CAV3: variants seen among roughly 807,000 people sequenced by gnomAD.
The protein encoded by CAV3 is caveolin-3.
In CAV3, 10 loss-of-function variants were observed where a neutral mutation model predicts 13.4. The observed-to-expected ratio is 0.75, with a 90% confidence interval of 0.46 to 1.27. CAV3 has a LOEUF of 1.27. Among genes scored for constraint, CAV3 ranks in the 50% most tolerant of loss-of-function variants. The pLI is 0.00. For missense variants in CAV3, 162 were observed against 194.0 expected, an observed-to-expected ratio of 0.83 and a Z score of 0.98; for synonymous variants, 90 against 79.0, an observed-to-expected ratio of 1.14 and a Z score of -0.74.
intron 1 of CAV3, chr3:8,742,591 T>C: frequency 2.2e-6 from 1 of 451,914 alleles, no homozygotes; most frequent in South Asian, 1.6e-5. Flanking sequence ...TTTCGAGGAA[T>C]CTTCAGAGCA....
At chr3:8,736,813 G>C (rs577553185) in intron 1 of CAV3, among the ~76,000 whole-genome samples, 104 of 152,294 alleles carry the variant, frequency 6.8e-4, no homozygotes, top group Non-Finnish European at 1.4e-3. Flanking sequence ...GTGGTTATTT[G>C]GTATGTTTTG....
chr3:8,734,037 C>A (rs373376677), intron 1 of CAV3, 47 bp downstream of exon 1: 3 of 1,100,416 alleles, frequency 2.7e-6, no homozygotes, highest in East Asian at 2.4e-5. Context: ...GTCAGGTTTG[C>A]GAGACGTGGG....
chr3:8,737,237 G>A (rs909367099), intron 1 of CAV3, among the ~76,000 whole-genome samples: 2 of 152,186 alleles, frequency 1.3e-5, no homozygotes, highest in Non-Finnish European at 2.9e-5. Flanking sequence ...TTTCTCATGG[G>A]CTAGGATGAG....
At chr3:8,743,455 A>T (rs1296985980) in intron 1 of CAV3, among the ~76,000 whole-genome samples, 1 of 152,150 alleles carries the variant, frequency 6.6e-6, no homozygotes, top group Non-Finnish European at 1.5e-5. Flanking sequence ...TCCTGAGAAG[A>T]TGAGGCCCAT....
intron 1 of CAV3, among the ~76,000 whole-genome samples, chr3:8,738,458 CG>C (rs1559645523): frequency 6.6e-6 from 1 of 152,106 alleles, no homozygotes; most frequent in Admixed American, 6.6e-5. Flanking sequence ...CCTCCCTTGG[CG>C]GGGAATCCAT....
rs112626848 is a variant in CAV3, at chr3:8,745,655, G to A, written c.244G>A (p.Val82Ile). The A allele has an allele frequency of 1.5e-4, 245 of 1,614,070 alleles. No individual in the cohort carries two copies. Among genetic ancestry groups the A allele is most frequent in the Admixed American group, 2.7e-4 (16 of 60,012 alleles). Residue 82 changes from valine to isoleucine, a missense_variant, in exon 2 of 2, where the codon GTC becomes ATC. Val to Ile is a conservative substitution (Grantham distance 29). Transcript: ENST00000343849. The surrounding 1 kb of genome is among the most constrained non-coding windows in gnomAD (Gnocchi z 4.8). ...CCGTCTGTTGTCCACGCTGCTGGGC[G>A]TCCCACTGGCCCTGCTCTGGGGCTT... ...CYRLLSTLLG[V>I]PLALLWGFLF...
rs1708118902 is a variant in CAV3, at chr3:8,745,336, C to T, written c.115-190C>T. Among the ~76,000 whole-genome samples the T allele has an allele frequency of 6.6e-6, 1 of 152,194 alleles. No individual in the cohort carries two copies. ...ACAGACCCATGGGCCAATTAAACCT[C>T]CTTTCTTTATCAATTACCCAGCCTC... On this transcript the variant is annotated intron_variant, in intron 1 of 1. Coordinates refer to ENST00000343849, the MANE Select transcript of CAV3 (RefSeq NM_033337.3). The surrounding 1 kb of genome is among the most constrained non-coding windows in gnomAD (Gnocchi z 4.8).
chr3:8,744,518 G>A (rs182467901), intron 1 of CAV3, among the ~76,000 whole-genome samples: 116 of 141,168 alleles, frequency 8.2e-4, no homozygotes, highest in African/African-American at 3.0e-3. Flanking sequence ...GGATTTTACA[G>A]CCTCCCATCC....
At position 8,745,850 on chromosome 3, in the gene CAV3, C is replaced by G; in HGVS notation, c.439C>G (p.Leu147Val). Reference protein sequence around the residue: ...GQVCSSIKVVLRKEV With the variant: ...GQVCSSIKVVVRKEV Reference sequence around the variant, plus strand: ...GGTCTGCAGCAGCATCAAGGTGGTGCTGCGGAAGGAGGTCTAAAGCCAGGT... The same window carrying G: ...GGTCTGCAGCAGCATCAAGGTGGTGGTGCGGAAGGAGGTCTAAAGCCAGGT... The change falls in exon 2 of 2, where the codon CTG (leucine) becomes GTG (valine). Residue 147 changes from leucine to valine, a missense_variant. By Grantham distance (32) the Leu-to-Val change is conservative. Coordinates refer to ENST00000343849, the MANE Select transcript of CAV3 (RefSeq NM_033337.3). This position sits in a 1 kb window ranked among gnomAD's most constrained non-coding sequence, Gnocchi z 4.8. The G allele has an allele frequency of 6.2e-7, 1 of 1,612,364 alleles. No individual in the cohort carries two copies. The highest frequency in any genetic ancestry group is 8.5e-7 in the Non-Finnish European group (1 of 1,179,492).
chr3:8,734,778 G>C (rs186496312), intron 1 of CAV3, among the ~76,000 whole-genome samples: 3 of 152,286 alleles, frequency 2.0e-5, no homozygotes, highest in African/African-American at 7.2e-5. Flanking sequence ...GAGTGCAGTC[G>C]CACACTCACG....
Position 8,745,421 on chromosome 3 carries a change from G to A in CAV3, c.115-105G>A. 1 of 862,404 alleles carries A rather than the reference G, an allele frequency of 1.2e-6. No homozygotes were observed. Among genetic ancestry groups the A allele is most frequent in the Non-Finnish European group, 1.9e-6 (1 of 517,140 alleles). The allele number at this position is 862,404 out of a possible 1,614,324, so 53.4% of individuals were successfully genotyped here. The stretch of plus-strand genomic sequence containing the variant: ...ATACAGGTAGGGTCCAGCCACCAAG[G>A]TTAACCTGACCTCTAGGGGATTCTG... On this transcript the variant is annotated intron_variant, in intron 1 of 1. Transcript: ENST00000343849. This position sits in a 1 kb window ranked among gnomAD's most constrained non-coding sequence, Gnocchi z 4.8.
chr3:8,739,340 C>T (rs78081945), intron 1 of CAV3, among the ~76,000 whole-genome samples: 9,761 of 152,072 alleles, frequency 0.064, 466 homozygotes, highest in East Asian at 0.19. Flanking sequence ...AGGCCAGGCA[C>T]GGTGGCTCAC....
chr3:8,745,989 G>C lies in CAV3; in HGVS notation c.*122G>C. The stretch of plus-strand genomic sequence containing the variant: ...CTTTAGGGACTGCTCCATACCCCAT[G>C]ATGGAGCACACGGTGTAGGGAAGCC... On this transcript the variant is annotated 3_prime_UTR_variant, in exon 2 of 2. Transcript: ENST00000343849. This position sits in a 1 kb window ranked among gnomAD's most constrained non-coding sequence, Gnocchi z 4.8. The C allele has an allele frequency of 2.7e-6, 2 of 732,048 alleles. No homozygotes were observed. The highest frequency in any genetic ancestry group is 1.8e-5 in the South Asian group (1 of 55,318). The allele number at this position is 732,048 out of a possible 1,614,324, so 45.3% of individuals were successfully genotyped here.
At chr3:8,741,627 T>C (rs1027435904) in intron 1 of CAV3, among the ~76,000 whole-genome samples, 2 of 152,168 alleles carry the variant, frequency 1.3e-5, no homozygotes, top group Non-Finnish European at 2.9e-5. Context: ...CAATGGCCAG[T>C]GGATACTGGG....
chr3:8,741,782 C>T (rs1024371549), intron 1 of CAV3, among the ~76,000 whole-genome samples: 8 of 152,120 alleles, frequency 5.3e-5, no homozygotes, highest in Admixed American at 1.3e-4. Flanking sequence ...TGTTGTCCTC[C>T]CCCGCATCCT....
rs1002941288 is a variant in CAV3 at position 8,746,020 on chromosome 3, G to GAA, written c.*156_*157dup. The GAA allele has an allele frequency of 5.1e-5, 32 of 628,540 alleles. No homozygotes were observed. Among genetic ancestry groups the GAA allele is most frequent in the Non-Finnish European group, 7.9e-5 (29 of 366,068 alleles). 38.9% of individuals were successfully genotyped at this position (628,540 alleles called of 1,614,324 possible). On this transcript the variant is annotated 3_prime_UTR_variant, in exon 2 of 2. Transcript: ENST00000343849. ...GCACACGGTGTAGGGAAGCCAGAAA[G>GAA]AAAAGACGGCCCAGCCACAGAAGCA...
chr3:8,736,467 G>T (rs778020260), intron 1 of CAV3, among the ~76,000 whole-genome samples: 1 of 152,166 alleles, frequency 6.6e-6, no homozygotes, highest in Non-Finnish European at 1.5e-5. Flanking sequence ...TAAGCCAGGA[G>T]CCTGCGTCAT....
At chr3:8,739,049 TG>T (rs1226862971) in intron 1 of CAV3, among the ~76,000 whole-genome samples, 1 of 152,248 alleles carries the variant, frequency 6.6e-6, no homozygotes, top group Non-Finnish European at 1.5e-5. Flanking sequence ...CATTCCATAT[TG>T]GCAATTCCTT....
intron 1 of CAV3, among the ~76,000 whole-genome samples, chr3:8,741,987 C>T (rs754602915): frequency 6.6e-6 from 1 of 152,208 alleles, no homozygotes; most frequent in Non-Finnish European, 1.5e-5. Context: ...TCCAACTGCA[C>T]ACAGTGTCCT....
Sources: allele counts gnomAD v4.1 joint callset (sites outside exome capture counted in the v4.1 genomes callset), GRCh38; gene constraint gnomAD v4.1.1; non-coding constraint Gnocchi (gnomAD v3.1); transcripts MANE v1.5; gene names NCBI Gene and HGNC (gene_info 2026-07-23, HGNC 2026-07-21).